The following FAM184A variants were observed in gnomAD, a reference collection of about 807,000 sequenced individuals.
FAM184A encodes the protein protein FAM184A.
In FAM184A, 99 loss-of-function variants were observed where a neutral mutation model predicts 143.8. The ratio of observed to expected loss-of-function variants is 0.69; its 90% confidence interval spans 0.58 to 0.81. The LOEUF (loss-of-function observed/expected upper bound fraction) is 0.81. Among genes scored for constraint, FAM184A ranks in the 40% least tolerant of loss-of-function variants. FAM184A has a pLI of 0.00. For synonymous variants in FAM184A, 427 were observed against 446.4 expected, an observed-to-expected ratio of 0.96 and a Z score of 0.55; for missense variants, 1,217 against 1,310.5, an observed-to-expected ratio of 0.93 and a Z score of 1.10.
intron 1 of FAM184A, among the ~76,000 whole-genome samples, chr6:119,062,972 C>T (rs1001830800): frequency 7.2e-5 from 11 of 152,166 alleles, no homozygotes; most frequent in Non-Finnish European, 1.6e-4. Flanking sequence ...CACAGTATCT[C>T]TCCTTCTGTT....
intron 9 of FAM184A, among the ~76,000 whole-genome samples, chr6:118,999,162 C>T (rs1003219324): frequency 6.6e-6 from 1 of 152,104 alleles, no homozygotes; most frequent in African/African-American, 2.4e-5. Context: ...AGTGAACGGA[C>T]GCTAGTTCTA....
intron 1 of FAM184A, among the ~76,000 whole-genome samples, chr6:119,046,799 TATATC>T (rs1349102240): frequency 1.3e-5 from 2 of 152,112 alleles, no homozygotes; most frequent in African/African-American, 4.8e-5. Flanking sequence ...CATTATATGG[TATATC>T]ATAGCATCCA....
chr6:118,991,782 A>G (rs1419977454), intron 9 of FAM184A, among the ~76,000 whole-genome samples: 1 of 56,922 alleles, frequency 1.8e-5, no homozygotes, highest in Admixed American at 2.3e-4. Context: ...TTTTTTTTTG[A>G]GACAGAGTCT....
At chr6:119,049,309 G>A (rs561482257) in intron 1 of FAM184A, among the ~76,000 whole-genome samples, 36 of 152,266 alleles carry the variant, frequency 2.4e-4, no homozygotes, top group African/African-American at 7.2e-4. Flanking sequence ...TTACCCGGGC[G>A]TGGTGGCGGG....
intron 1 of FAM184A, among the ~76,000 whole-genome samples, chr6:119,102,581 A>T (rs1282774206): frequency 2.0e-5 from 3 of 151,974 alleles, no homozygotes; most frequent in Non-Finnish European, 4.4e-5. Flanking sequence ...TGAGGTCAGG[A>T]GTTTGAGACC....
rs187588870 is a variant in FAM184A, at chr6:119,050,528, C to A, written c.160-25715G>T. Among the ~76,000 whole-genome samples the A allele has an allele frequency of 2.1e-3, 326 of 152,038 alleles. 2 individuals are homozygous for A. Among genetic ancestry groups the A allele is most frequent in the African/African-American group, 7.1e-3 (293 of 41,484 alleles). On this transcript the variant is annotated intron_variant, in intron 1 of 17. Coordinates refer to ENST00000338891, the MANE Select transcript of FAM184A (RefSeq NM_024581.6). Reference sequence around the variant, plus strand: ...ATAAAAAAAAAATGAGATCATAGGCCGGGCGCGGTGGCTCACGCCTGTAAT... The same window carrying A: ...ATAAAAAAAAAATGAGATCATAGGCAGGGCGCGGTGGCTCACGCCTGTAAT...
In FAM184A at chr6:119,024,081, A is replaced by G; in HGVS notation, c.892T>C (p.Leu298=). Residue 298 remains leucine, a synonymous_variant, in exon 2 of 18, where the codon TTA becomes CTA. Coordinates refer to ENST00000338891, the MANE Select transcript of FAM184A (RefSeq NM_024581.6). ...TTTAATTTTCCTATAGTTTTTCGTA[A>G]AATTGCTTCTTGTCCCTGAAATTCT... ...RKEFQGQEAI[L]RKTIGKLKTE... 1 of 1,614,130 alleles carries G rather than the reference A, an allele frequency of 6.2e-7. No individual in the cohort carries two copies. The highest frequency in any genetic ancestry group is 8.5e-7 in the Non-Finnish European group (1 of 1,180,020).
chr6:119,044,797 A>T (rs1257912723), intron 1 of FAM184A, among the ~76,000 whole-genome samples: 1 of 152,216 alleles, frequency 6.6e-6, no homozygotes, highest in African/African-American at 2.4e-5. Flanking sequence ...TACACTGGGA[A>T]CTGGGTATAA....
rs185955343 is a variant in FAM184A, at chr6:119,039,620, A to G, written c.160-14807T>C. On this transcript the variant is annotated intron_variant, in intron 1 of 17. Coordinates refer to ENST00000338891, the MANE Select transcript of FAM184A (RefSeq NM_024581.6). ...GATCAGTAGTTGCCAGGGGTTGAGG[A>G]GAGGGAGGAAGGAATAGGCAGTGTT... 1.4e-3 allele frequency among the ~76,000 whole-genome samples: 210 copies of G among 152,314 alleles called. 1 individual carries two copies. Among genetic ancestry groups the G allele is most frequent in the African/African-American group, 4.9e-3 (202 of 41,562 alleles).
At chr6:119,004,174 CA>C (rs1312875510) in intron 7 of FAM184A, among the ~76,000 whole-genome samples, 1 of 152,224 alleles carries the variant, frequency 6.6e-6, no homozygotes, top group African/African-American at 2.4e-5. Context: ...TGTAGATTAG[CA>C]TGAATCAAGT....
chr6:119,080,036 G>A (rs555608188), upstream of FAM184A, among the ~76,000 whole-genome samples: 1 of 152,278 alleles, frequency 6.6e-6, no homozygotes, highest in East Asian at 1.9e-4. Context: ...TTAGAAACTA[G>A]TGCTATTTCA....
At chr6:119,009,778 G>A (rs1040361986) in intron 6 of FAM184A, among the ~76,000 whole-genome samples, 1 of 152,184 alleles carries the variant, frequency 6.6e-6, no homozygotes, top group African/African-American at 2.4e-5. Flanking sequence ...GTCCATAGTA[G>A]TAGGGACCAT....
chr6:119,145,684 C>T (rs974883161), intron 1 of FAM184A, among the ~76,000 whole-genome samples: 3 of 152,164 alleles, frequency 2.0e-5, no homozygotes, highest in South Asian at 2.1e-4. Flanking sequence ...ACAAATAAGG[C>T]GTGAGTGTTT....
chr6:119,026,509 C>T (rs898531985), intron 1 of FAM184A, among the ~76,000 whole-genome samples: 4 of 143,396 alleles, frequency 2.8e-5, no homozygotes, highest in African/African-American at 1.2e-4. Flanking sequence ...ATTGAACGGA[C>T]CCTCCTCTTA....
chr6:119,024,340 T>C lies in FAM184A; in HGVS notation c.633A>G (p.Ser211=). 1 of 1,614,226 alleles carries C rather than the reference T, an allele frequency of 6.2e-7. No homozygotes were observed. The highest frequency in any genetic ancestry group is 8.5e-7 in the Non-Finnish European group (1 of 1,180,028). ...CTGCCTTTTCCTGGCCTTTATTTACTGAGGCACTGTGATCCTGCTGTGACT... is the reference window on the plus strand; with the variant it reads ...CTGCCTTTTCCTGGCCTTTATTTACCGAGGCACTGTGATCCTGCTGTGACT... ...LLKSQQDHSA[S]VNKGQEKAEE... Residue 211 remains serine, a synonymous_variant, in exon 2 of 18, where the codon TCA becomes TCG. Transcript: ENST00000338891.
chr6:119,078,419 C>G lies in FAM184A; in HGVS notation c.-120G>C, dbSNP rs1283055112. ...CTTCCCGACCCGACACCCGGCGCCCCCCAGACTCGGCCGCAGGCGCCGTCC... is the reference window on the plus strand; with the variant it reads ...CTTCCCGACCCGACACCCGGCGCCCGCCAGACTCGGCCGCAGGCGCCGTCC... On this transcript the variant is annotated 5_prime_UTR_variant, in exon 1 of 18. Transcript: ENST00000338891. This position sits in a 1 kb window ranked among gnomAD's most constrained non-coding sequence, Gnocchi z 5.5. The G allele has an allele frequency of 9.4e-7, 1 of 1,068,926 alleles. No homozygotes were observed. The highest frequency in any genetic ancestry group is 3.2e-5 in the East Asian group (1 of 30,872). The allele number at this position is 1,068,926 out of a possible 1,614,324, so 66.2% of individuals were successfully genotyped here.
At chr6:119,110,363 T>C (rs1299854002) in intron 1 of FAM184A, among the ~76,000 whole-genome samples, 1 of 152,132 alleles carries the variant, frequency 6.6e-6, no homozygotes, top group Non-Finnish European at 1.5e-5. Context: ...GGGAGGAGCC[T>C]GTATCAGGAA....
chr6:119,066,719 A>G (rs1359784288), intron 1 of FAM184A, among the ~76,000 whole-genome samples: 1 of 152,224 alleles, frequency 6.6e-6, no homozygotes, highest in Non-Finnish European at 1.5e-5. Flanking sequence ...CAACTCCCTC[A>G]TGATCACAGT....
In FAM184A at chr6:119,023,196, C is replaced by T. The variant is rs1785508893; in HGVS notation, c.1015-116G>A. 3.8e-6 allele frequency: 4 copies of T among 1,059,368 alleles called. No individual in the cohort carries two copies. In the South Asian group the frequency reaches 6.6e-5, roughly 17 times the overall value. 65.6% of individuals were successfully genotyped at this position (1,059,368 alleles called of 1,614,324 possible). A position where few individuals can be genotyped will look rare whatever the true frequency, so the allele number is the denominator to read the frequency against. ...TCAGAAGTCATACTAAACTATATAC[C>T]AATTTTTAAATCTGTAAGTATTAGT... On this transcript the variant is annotated intron_variant, in intron 2 of 17. Coordinates refer to ENST00000338891, the MANE Select transcript of FAM184A (RefSeq NM_024581.6).
Sources: allele counts gnomAD v4.1 joint callset (sites outside exome capture counted in the v4.1 genomes callset), GRCh38; gene constraint gnomAD v4.1.1; non-coding constraint Gnocchi (gnomAD v3.1); transcripts MANE v1.5; gene names NCBI Gene and HGNC (gene_info 2026-07-23, HGNC 2026-07-21).